TTC27: variants seen among roughly 807,000 people sequenced by gnomAD.
The protein encoded by TTC27 is tetratricopeptide repeat protein 27.
A neutral mutation model predicts 115.9 loss-of-function variants in TTC27; 79 were observed. The observed-to-expected ratio is 0.68, with a 90% CI of 0.57 to 0.82. The LOEUF (loss-of-function observed/expected upper bound fraction) is 0.82. Among genes scored for constraint, TTC27 ranks in the 40% least tolerant of loss-of-function variants. The pLI is 0.00. For missense variants in TTC27, 1,054 were observed against 993.1 expected, an observed-to-expected ratio of 1.06 and a Z score of -0.82; for synonymous variants, 401 against 356.0, an observed-to-expected ratio of 1.13 and a Z score of -1.42.
intron 13 of TTC27, among the ~76,000 whole-genome samples, chr2:32,774,799 G>A (rs1669940809): frequency 1.3e-5 from 2 of 152,256 alleles, no homozygotes; most frequent in South Asian, 2.1e-4. Context: ...AAAAGCCATT[G>A]GATGATTTCA....
chr2:32,670,221 G>A (rs1553547915), intron 7 of TTC27, among the ~76,000 whole-genome samples: 1 of 151,778 alleles, frequency 6.6e-6, no homozygotes, highest in East Asian at 1.9e-4. Context: ...TTTTTTTGTT[G>A]TTGTTGAATT....
intron 4 of TTC27, among the ~76,000 whole-genome samples, chr2:32,646,695 C>T (rs1664876813): frequency 6.6e-6 from 1 of 151,160 alleles, no homozygotes. Flanking sequence ...CCCCAAGTAG[C>T]TGGGACTACA....
In TTC27 at chr2:32,628,226, C is replaced by T. The variant is rs1245780232; in HGVS notation, c.-67C>T. Reference sequence around the variant, plus strand: ...GCGCCTTTGGACTCTCCTGTTTTCACTTTCTTTTGTTGACTCCCGTGTGGC... The same window carrying T: ...GCGCCTTTGGACTCTCCTGTTTTCATTTTCTTTTGTTGACTCCCGTGTGGC... On this transcript the variant is annotated 5_prime_UTR_variant, in exon 1 of 20. Transcript: ENST00000317907. 1.5e-5 allele frequency: 22 copies of T among 1,489,002 alleles called. No homozygotes were observed. Among genetic ancestry groups the T allele is most frequent in the Non-Finnish European group, 7.4e-6 (8 of 1,085,650 alleles). The allele number at this position is 1,489,002 out of a possible 1,614,324, so 92.2% of individuals were successfully genotyped here.
chr2:32,751,049 C>A lies in TTC27; in HGVS notation c.1453-7243C>A, dbSNP rs566493924. ...TTCTCTCTGTGCTGGTAAAAGGCTG[C>A]TATATCTGGTGTTGTCTGGTTATTG... On this transcript the variant is annotated intron_variant, in intron 12 of 19. Coordinates refer to ENST00000317907, the MANE Select transcript of TTC27 (RefSeq NM_017735.5). 1.9e-4 allele frequency among the ~76,000 whole-genome samples: 29 copies of A among 152,220 alleles called. No homozygotes were observed. The South Asian group carries it at 6.0e-3, about 32-fold the overall frequency.
chr2:32,792,628 G>A (rs1359550667), intron 16 of TTC27, among the ~76,000 whole-genome samples: 1 of 152,110 alleles, frequency 6.6e-6, no homozygotes, highest in Non-Finnish European at 1.5e-5. Flanking sequence ...AGCTCCAAGT[G>A]GAGCAGGGAG....
chr2:32,635,373 A>G (rs1335522699), intron 3 of TTC27: 4 of 153,988 alleles, frequency 2.6e-5, no homozygotes, highest in Non-Finnish European at 5.9e-5. Context: ...ACCTAGTGTT[A>G]CCTGGTTTCT....
At chr2:32,645,235 T>C (rs1444871131) in intron 4 of TTC27, among the ~76,000 whole-genome samples, 1 of 152,194 alleles carries the variant, frequency 6.6e-6, no homozygotes, top group African/African-American at 2.4e-5. Flanking sequence ...GAATTGGTAC[T>C]ATGTAAGTGG....
At chr2:32,653,962 C>T (rs751477919) in intron 5 of TTC27, among the ~76,000 whole-genome samples, 16 of 152,208 alleles carry the variant, frequency 1.1e-4, no homozygotes, top group Non-Finnish European at 2.4e-4. Context: ...TCATTGCTTT[C>T]CACCATTCTG....
At chr2:32,753,429 C>T (rs1167975662) in intron 12 of TTC27, among the ~76,000 whole-genome samples, 3 of 72,848 alleles carry the variant, frequency 4.1e-5, no homozygotes, top group East Asian at 5.3e-4. Context: ...AATCAAATGC[C>T]TTTTTTTTTT....
intron 10 of TTC27, among the ~76,000 whole-genome samples, chr2:32,715,663 G>A (rs532506216): frequency 4.6e-5 from 7 of 152,120 alleles, no homozygotes; most frequent in South Asian, 4.2e-4. Context: ...TGTGTGGGCC[G>A]AAACATTTCT....
chr2:32,665,823 G>A (rs751521069), intron 6 of TTC27, among the ~76,000 whole-genome samples: 4 of 152,102 alleles, frequency 2.6e-5, no homozygotes, highest in Non-Finnish European at 5.9e-5. Flanking sequence ...CCAGGGAGTC[G>A]GAGGTTGCAG....
chr2:32,632,090 C>A (rs559879448), intron 2 of TTC27, among the ~76,000 whole-genome samples: 1 of 151,696 alleles, frequency 6.6e-6, no homozygotes, highest in Non-Finnish European at 1.5e-5. Flanking sequence ...GGATTACAGA[C>A]GTGAGCCACT....
rs534437578 is a variant in TTC27, at chr2:32,708,736, A to T, written c.1233+5816A>T. Among the ~76,000 whole-genome samples, 72 of 152,168 alleles carry T rather than the reference A, an allele frequency of 4.7e-4. 1 individual carries two copies. In the South Asian group the frequency reaches 0.015, roughly 32 times the overall value. Reference sequence around the variant, plus strand: ...TTTAGGCTTTTAGCAGCCTGAAACCATGTTTTTTTAGTTTCTGTCTCTAAT... The same window carrying T: ...TTTAGGCTTTTAGCAGCCTGAAACCTTGTTTTTTTAGTTTCTGTCTCTAAT... On this transcript the variant is annotated intron_variant, in intron 10 of 19. Transcript: ENST00000317907.
At chr2:32,798,402 A>C (rs1670786666) in intron 16 of TTC27, among the ~76,000 whole-genome samples, 1 of 146,936 alleles carries the variant, frequency 6.8e-6, no homozygotes, top group African/African-American at 2.5e-5. Context: ...TCCATCTCAA[A>C]AAAAAGAAAG....
chr2:32,633,068 T>G (rs1422655664), intron 2 of TTC27, among the ~76,000 whole-genome samples: 1 of 152,228 alleles, frequency 6.6e-6, no homozygotes, highest in Non-Finnish European at 1.5e-5. Context: ...TGGTATGGGA[T>G]TGGTAAACAA....
At chr2:32,652,327 C>T (rs1286844136) in intron 5 of TTC27, among the ~76,000 whole-genome samples, 3 of 151,906 alleles carry the variant, frequency 2.0e-5, no homozygotes, top group Non-Finnish European at 4.4e-5. Flanking sequence ...GCTGAGATCG[C>T]GTCATTGCAC....
intron 12 of TTC27, among the ~76,000 whole-genome samples, chr2:32,748,837 G>A (rs146987680): frequency 5.2e-4 from 79 of 151,938 alleles, no homozygotes; most frequent in African/African-American, 1.8e-3. Context: ...ACAGGTTTAC[G>A]CCACCATGCC....
intron 7 of TTC27, among the ~76,000 whole-genome samples, chr2:32,668,536 T>TCCCTCCCTCCCTCCCTC (rs1665877235): frequency 4.4e-5 from 2 of 45,940 alleles, no homozygotes; most frequent in African/African-American, 8.6e-5. Context: ...TTTCTTCCCT[T>TCCCTCCCTCCCTCCCTC]CCTCCCTCCC....
intron 2 of TTC27, among the ~76,000 whole-genome samples, chr2:32,632,924 A>G (rs73922769): frequency 0.023 from 3,431 of 152,290 alleles, 116 homozygotes; most frequent in African/African-American, 0.079. Flanking sequence ...AACAAACATG[A>G]TATGCAAAGC....
Sources: allele counts gnomAD v4.1 joint callset (sites outside exome capture counted in the v4.1 genomes callset), GRCh38; gene constraint gnomAD v4.1.1; transcripts MANE v1.5; gene names NCBI Gene and HGNC (gene_info 2026-07-23, HGNC 2026-07-21).